The following MSRA variants were observed in gnomAD, a reference collection of about 807,000 sequenced individuals.
MSRA encodes mitochondrial peptide methionine sulfoxide reductase.
A neutral mutation model predicts 31.3 loss-of-function variants in MSRA; 54 were observed. That is an observed-to-expected ratio of 1.73 (90% CI 1.39 to 2.17). The LOEUF (loss-of-function observed/expected upper bound fraction) is 2.17, where lower values mean the gene tolerates loss of function less well. MSRA is among the 30% of genes most tolerant of loss of function. The pLI is 0.00. For synonymous variants in MSRA, 169 were observed against 116.5 expected (o/e 1.45, Z -2.90); for missense variants, 507 against 300.9 (o/e 1.69, Z -5.07).
intron 1 of MSRA, among the ~76,000 whole-genome samples, chr8:10,135,270 G>T (rs1042166751): frequency 2.6e-5 from 4 of 152,210 alleles, no homozygotes; most frequent in African/African-American, 9.7e-5. Flanking sequence ...TTATAGAGAG[G>T]CAGAGTGGTG....
chr8:10,401,488 T>C (rs931242967), intron 5 of MSRA, among the ~76,000 whole-genome samples: 3 of 152,234 alleles, frequency 2.0e-5, no homozygotes, highest in Non-Finnish European at 4.4e-5. Flanking sequence ...GTACAGCCAC[T>C]GTGGAAACAG....
chr8:10,269,304 C>G (rs1442573381), intron 3 of MSRA, among the ~76,000 whole-genome samples: 5 of 152,196 alleles, frequency 3.3e-5, no homozygotes. Context: ...GTCAACTATT[C>G]TTCAGTGGGA....
rs561423205 is a variant in MSRA at position 10,138,290 on chromosome 8, G to C, written c.143-69543G>C. Among the ~76,000 whole-genome samples, 11 of 152,236 alleles carry C rather than the reference G, an allele frequency of 7.2e-5. 1 individual carries two copies. The South Asian group carries it at 1.9e-3, about 26-fold the overall frequency. ...AATAAAGGTGCTATCTAAAGAAAAAGGTGCTATCTACAGAAAAGCTTGAAG... is the reference window on the plus strand; with the variant it reads ...AATAAAGGTGCTATCTAAAGAAAAACGTGCTATCTACAGAAAAGCTTGAAG... On this transcript the variant is annotated intron_variant, in intron 1 of 5. Transcript: ENST00000317173.
chr8:10,280,367 T>TC (rs1554514663), intron 3 of MSRA, among the ~76,000 whole-genome samples: 170 of 151,064 alleles, frequency 1.1e-3, no homozygotes, highest in African/African-American at 3.9e-3. Flanking sequence ...TTCTAATAAT[T>TC]AATTCAAGTT....
chr8:10,197,542 C>T (rs964193782), intron 1 of MSRA, among the ~76,000 whole-genome samples: 14 of 152,084 alleles, frequency 9.2e-5, no homozygotes, highest in African/African-American at 2.7e-4. Flanking sequence ...GTTGTCTTTC[C>T]GTCTGTATCA....
At chr8:10,231,447 C>T (rs558557700) in intron 2 of MSRA, among the ~76,000 whole-genome samples, 7 of 152,276 alleles carry the variant, frequency 4.6e-5, no homozygotes, top group East Asian at 3.9e-4. Flanking sequence ...TTGAATTTCA[C>T]GTGTCAGGGA....
intron 3 of MSRA, among the ~76,000 whole-genome samples, chr8:10,268,605 A>G (rs939142823): frequency 4.6e-5 from 7 of 152,230 alleles, no homozygotes; most frequent in Non-Finnish European, 8.8e-5. Flanking sequence ...CTAATTGACT[A>G]ACTATACAAT....
chr8:10,284,936 A>C (rs1799854106), intron 3 of MSRA, among the ~76,000 whole-genome samples: 2 of 152,082 alleles, frequency 1.3e-5, no homozygotes, highest in South Asian at 4.1e-4. Flanking sequence ...CATCTTCAAA[A>C]TCTAGTGAGA....
At chr8:10,266,871 G>C (rs17151534) in intron 3 of MSRA, among the ~76,000 whole-genome samples, 5,736 of 152,226 alleles carry the variant, frequency 0.038, 163 homozygotes, top group Non-Finnish European at 0.064. Flanking sequence ...ATATTAAAAT[G>C]CAAAGGTCAA....
chr8:10,261,665 C>G (rs1477217038), intron 3 of MSRA, among the ~76,000 whole-genome samples: 1 of 152,158 alleles, frequency 6.6e-6, no homozygotes. Context: ...CTATTAACAT[C>G]TTAGTGTAGT....
chr8:10,273,516 G>A (rs1799153816), intron 3 of MSRA, among the ~76,000 whole-genome samples: 1 of 152,112 alleles, frequency 6.6e-6, no homozygotes, highest in South Asian at 2.1e-4. Context: ...TGTTCATAAA[G>A]TACTTGGTAT....
At chr8:10,234,452 C>A (rs994525592) in intron 2 of MSRA, among the ~76,000 whole-genome samples, 6 of 151,652 alleles carry the variant, frequency 4.0e-5, no homozygotes, top group African/African-American at 1.2e-4. Context: ...ACTAGAAGAA[C>A]AGATTTTTTT....
chr8:10,253,980 A>G (rs112530917), intron 3 of MSRA, among the ~76,000 whole-genome samples: 1 of 152,136 alleles, frequency 6.6e-6, no homozygotes, highest in African/African-American at 2.4e-5. Context: ...CCCAGACGTG[A>G]GCGGAGCGGC....
intron 2 of MSRA, among the ~76,000 whole-genome samples, chr8:10,228,456 A>C (rs993930412): frequency 6.6e-6 from 1 of 152,118 alleles, no homozygotes; most frequent in African/African-American, 2.4e-5. Context: ...CCTTCCCGAG[A>C]TCCACGTGAA....
At position 10,220,535 on chromosome 8, in the gene MSRA, A is replaced by C. The variant is rs529727525; in HGVS notation, c.211+12634A>C. Among the ~76,000 whole-genome samples the C allele has an allele frequency of 3.9e-5, 6 of 152,316 alleles. No individual in the cohort carries two copies. In the South Asian group the frequency reaches 8.3e-4, roughly 21 times the overall value. The stretch of plus-strand genomic sequence containing the variant: ...AGCACTGTGTTTTCTTAGGAAAAGA[A>C]ATTTTATTTTATTTTTTTGCCATAT... On this transcript the variant is annotated intron_variant, in intron 2 of 5. Coordinates refer to ENST00000317173, the MANE Select transcript of MSRA (RefSeq NM_012331.5).
At chr8:10,380,762 A>G (rs1450477610) in intron 5 of MSRA, among the ~76,000 whole-genome samples, 1 of 152,048 alleles carries the variant, frequency 6.6e-6, no homozygotes, top group East Asian at 1.9e-4. Flanking sequence ...GGACACATGG[A>G]TGGCTGGATG....
intron 1 of MSRA, among the ~76,000 whole-genome samples, chr8:10,102,730 A>C (rs1221622315): frequency 6.6e-6 from 1 of 152,212 alleles, no homozygotes; most frequent in African/African-American, 2.4e-5. Flanking sequence ...CTGTGTTAAC[A>C]AACCTTCTCT....
At position 10,275,277 on chromosome 8, in the gene MSRA, T is replaced by A. The variant is rs574049801; in HGVS notation, c.332-26257T>A. 4.6e-5 allele frequency among the ~76,000 whole-genome samples: 7 copies of A among 152,340 alleles called. No individual in the cohort carries two copies. The South Asian group carries it at 1.2e-3, about 27-fold the overall frequency. Reference sequence around the variant, plus strand: ...GCAAGATAATTCCATACGATCAAGTTTGAAGTTTCAGAAATCTTAAGGAAC... The same window carrying A: ...GCAAGATAATTCCATACGATCAAGTATGAAGTTTCAGAAATCTTAAGGAAC... On this transcript the variant is annotated intron_variant, in intron 3 of 5. Transcript: ENST00000317173.
At chr8:10,270,743 C>T (rs1330725850) in intron 3 of MSRA, among the ~76,000 whole-genome samples, 1 of 152,230 alleles carries the variant, frequency 6.6e-6, no homozygotes, top group Non-Finnish European at 1.5e-5. Flanking sequence ...ATCATTAGCT[C>T]ATTCACATCA....
Sources: gnomAD v4.1 joint callset for allele counts (sites outside exome capture counted in the v4.1 genomes callset) on GRCh38, gnomAD v4.1.1 for gene constraint, MANE v1.5 for transcripts, NCBI Gene and HGNC (gene_info 2026-07-23, HGNC 2026-07-21) for gene names.